The following TBK1 variants were observed in gnomAD, a reference collection of about 807,000 sequenced individuals.
TBK1 encodes TANK binding kinase 1.
A neutral mutation model predicts 99.9 loss-of-function variants in TBK1; 37 were observed. The ratio of observed to expected loss-of-function variants is 0.37; its 90% confidence interval spans 0.28 to 0.49. The LOEUF is 0.49. TBK1 is among the 20% of genes least tolerant of loss of function. TBK1 has a pLI of 0.98. For missense variants in TBK1, 644 were observed against 872.5 expected, an observed-to-expected ratio of 0.74 and a Z score of 3.30; for synonymous variants, 258 against 279.8, an observed-to-expected ratio of 0.92 and a Z score of 0.78.
At chr12:64,481,731 A>G (rs2040769635) in intron 7 of TBK1, 111 bp from the exon 8 acceptor site, 5 of 742,142 alleles carry the variant, frequency 6.7e-6, no homozygotes, top group Non-Finnish European at 9.5e-6. Flanking sequence ...AAATTAATCT[A>G]ATATAGTAAT....
chr12:64,498,106 A>G, intron 20 of TBK1, 67 bp downstream of exon 20: 7 of 1,281,440 alleles, frequency 5.5e-6, no homozygotes, highest in Non-Finnish European at 7.8e-6. Flanking sequence ...CTGTACTTAT[A>G]TCTTCCTGTA....
At chr12:64,455,778 C>T (rs1393997293) in intron 1 of TBK1, 62 bp from the exon 2 acceptor site, 1 of 807,594 alleles carries the variant, frequency 1.2e-6, no homozygotes, top group African/African-American at 1.7e-5. Flanking sequence ...AAACAGCTAA[C>T]ATTTGTTTCT....
At chr12:64,489,995 G>A in intron 12 of TBK1, 46 bp from the exon 13 acceptor site, 1 of 1,117,378 alleles carries the variant, frequency 8.9e-7, no homozygotes, top group Non-Finnish European at 1.3e-6. Flanking sequence ...TTAAAACTAT[G>A]TATTGATTAT....
At chr12:64,496,751 T>A (rs1252742484) in intron 16 of TBK1, among the ~76,000 whole-genome samples, 198 bp from the exon 17 acceptor site, 1 of 152,240 alleles carries the variant, frequency 6.6e-6, no homozygotes, top group Non-Finnish European at 1.5e-5. Context: ...GCATTTTTTT[T>A]ACATCCATTT....
At chr12:64,468,698 A>C (rs1222985632) in intron 5 of TBK1, among the ~76,000 whole-genome samples, 2 of 152,200 alleles carry the variant, frequency 1.3e-5, no homozygotes, top group Non-Finnish European at 2.9e-5. Context: ...TCAGATCATT[A>C]AAGTTTAGCA....
At chr12:64,496,441 G>T (rs1419952700) in intron 16 of TBK1, 35 bp downstream of exon 16, 6 of 1,129,802 alleles carry the variant, frequency 5.3e-6, no homozygotes, top group South Asian at 1.6e-5. Context: ...AGTTATTTTT[G>T]GTGCTATTTT....
chr12:64,471,917 G>A (rs1245314925), intron 5 of TBK1, among the ~76,000 whole-genome samples: 2 of 152,126 alleles, frequency 1.3e-5, no homozygotes, highest in African/African-American at 2.4e-5. Flanking sequence ...GAGGAGGTCC[G>A]TCTTTGTCTC....
intron 12 of TBK1, 46 bp from the exon 13 acceptor site, chr12:64,489,995 G>T (rs1350639907): frequency 1.8e-6 from 2 of 1,117,378 alleles, no homozygotes; most frequent in South Asian, 1.5e-5. Context: ...TTAAAACTAT[G>T]TATTGATTAT....
chr12:64,481,033 T>C (rs903923605), intron 7 of TBK1, among the ~76,000 whole-genome samples: 19 of 152,200 alleles, frequency 1.2e-4, no homozygotes, highest in African/African-American at 4.3e-4. Context: ...GTTAACAGTT[T>C]TTTGTGTGTG....
intron 5 of TBK1, among the ~76,000 whole-genome samples, chr12:64,470,220 G>T (rs554789350): frequency 1.3e-5 from 2 of 152,196 alleles, no homozygotes; most frequent in Non-Finnish European, 2.9e-5. Flanking sequence ...TAAATATTTT[G>T]TAGTGTTCCC....
intron 8 of TBK1, among the ~76,000 whole-genome samples, chr12:64,482,508 CA>C (rs1171978724): frequency 3.3e-5 from 5 of 151,950 alleles, no homozygotes; most frequent in Non-Finnish European, 7.4e-5. Context: ...TTTATGTAAA[CA>C]AAAACACATT....
At chr12:64,487,087 T>C (rs1592370492) in intron 11 of TBK1, among the ~76,000 whole-genome samples, 1 of 152,236 alleles carries the variant, frequency 6.6e-6, no homozygotes, top group East Asian at 1.9e-4. Flanking sequence ...TTCCTGAAAG[T>C]GACTCTAAGA....
chr12:64,500,049 T>C (rs1419468039), intron 20 of TBK1, among the ~76,000 whole-genome samples: 1 of 152,182 alleles, frequency 6.6e-6, no homozygotes, highest in Non-Finnish European at 1.5e-5. Flanking sequence ...TGGAATAAAA[T>C]CCCAACTTCC....
intron 7 of TBK1, 46 bp from the exon 8 acceptor site, chr12:64,481,796 A>C: frequency 7.3e-7 from 1 of 1,370,518 alleles, no homozygotes; most frequent in Non-Finnish European, 9.7e-7. Flanking sequence ...ACCTAGACAG[A>C]ATATGATATA....
intron 10 of TBK1, 132 bp downstream of exon 10, chr12:64,485,645 C>T (rs2040813569): frequency 1.4e-5 from 7 of 489,916 alleles, no homozygotes; most frequent in South Asian, 5.2e-5. Context: ...AAATTGATAC[C>T]CTTTCCAAGT....
Position 64,460,217 on chromosome 12 carries a change from T to C in TBK1, c.116T>C (p.Val39Ala). Reference protein sequence around the residue: ...KKTGDLFAIKVFNNISFLRPV... With the variant: ...KKTGDLFAIKAFNNISFLRPV... ...ACTGGTGATTTATTTGCTATCAAAG[T>C]ATTTAATAACATAAGCTTCCTTCGT... is the stretch of plus-strand genomic sequence containing the variant. Residue 39 changes from valine to alanine, a missense_variant, in exon 3 of 21, where the codon GTA becomes GCA. Transcript: ENST00000331710. The C allele has an allele frequency of 1.9e-6, 3 of 1,546,134 alleles. No homozygotes were observed. The highest frequency in any genetic ancestry group is 2.6e-6 in the Non-Finnish European group (3 of 1,142,846).
rs746397609 is a variant in TBK1 at position 64,495,672 on chromosome 12, T to C, written c.1644-27T>C. ...CCTTTTTCACATTGACTCAGTTAAT[T>C]TATTTGAGTTTTTCTTCCTTAAATA... On this transcript the variant is annotated intron_variant, in intron 14 of 20. Coordinates refer to ENST00000331710, the MANE Select transcript of TBK1 (RefSeq NM_013254.4). 1.9e-5 allele frequency: 30 copies of C among 1,612,236 alleles called. No individual in the cohort carries two copies. The Admixed American group carries it at 5.0e-4, about 27-fold the overall frequency.
At chr12:64,485,799 A>G (rs2040815003) in intron 10 of TBK1, 127 bp from the exon 11 acceptor site, 1 of 565,472 alleles carries the variant, frequency 1.8e-6, no homozygotes, top group East Asian at 3.0e-5. Flanking sequence ...ACTCTTAGAA[A>G]TTGGTGGTTT....
In TBK1 at chr12:64,501,395, G is replaced by A; in HGVS notation, c.*14G>A. 6.2e-7 allele frequency: 1 copy of A among 1,612,328 alleles called. No homozygotes were observed. ...GACTGTCTTTAGCTTTCTAATAGAA[G>A]TTTAAGAAAAGTTTCCGTTTGCACA... On this transcript the variant is annotated 3_prime_UTR_variant, in exon 21 of 21. Coordinates refer to ENST00000331710, the MANE Select transcript of TBK1 (RefSeq NM_013254.4).
Sources: allele counts gnomAD v4.1 joint callset (sites outside exome capture counted in the v4.1 genomes callset), GRCh38; gene constraint gnomAD v4.1.1; transcripts MANE v1.5; gene names NCBI Gene and HGNC (gene_info 2026-07-23, HGNC 2026-07-21).